The following UPRT variants were observed in gnomAD, a reference collection of about 807,000 sequenced individuals.
The protein encoded by UPRT is uracil phosphoribosyltransferase homolog, also known as RP11-311P8.3.
In UPRT, 5 loss-of-function variants were observed where a neutral mutation model predicts 22.6. The observed-to-expected ratio is 0.22, with a 90% CI of 0.12 to 0.47. UPRT has a LOEUF of 0.47. UPRT is among the 20% of genes least tolerant of loss of function. The pLI, the probability that UPRT is intolerant of heterozygous loss-of-function variation, is 0.99. For synonymous variants in UPRT, 77 were observed against 87.7 expected, an observed-to-expected ratio of 0.88 and a Z score of 0.68; for missense variants, 181 against 239.9, an observed-to-expected ratio of 0.75 and a Z score of 1.62.
chrX:75,180,326 C>T (rs529650509), intron 4 of UPRT, among the ~76,000 whole-genome samples: 1 of 112,102 alleles, frequency 8.9e-6, no homozygotes, highest in African/African-American at 3.2e-5. Context: ...TCTTCTACTA[C>T]CCCTGTGTTT....
At chrX:75,257,341 C>T (rs746304137) in intron 4 of UPRT, among the ~76,000 whole-genome samples, 217 of 111,516 alleles carry the variant, frequency 1.9e-3, no homozygotes, top group Middle Eastern at 9.1e-3. Context: ...GAAACTTTCA[C>T]GAAAACTGGC....
chrX:75,296,362 G>A lies in UPRT; in HGVS notation c.450G>A (p.Glu150=). Reference sequence around the variant, plus strand: ...TCTAGATCAGACTTGTTGTGGAAGAGGGATTGAATCAGCTGCCATATAAAG... The same window carrying A: ...TCTAGATCAGACTTGTTGTGGAAGAAGGATTGAATCAGCTGCCATATAAAG... The part of the protein sequence containing the change: ...ADRLIRLVVE[E]GLNQLPYKEC... The change falls in exon 3 of 7, where the codon GAG becomes GAA. Residue 150 remains glutamate, a synonymous_variant. Coordinates refer to ENST00000373383, the MANE Select transcript of UPRT (RefSeq NM_145052.4). 8.3e-7 allele frequency: 1 copy of A among 1,210,627 alleles called. No individual in the cohort carries two copies.
intron 6 of UPRT, among the ~76,000 whole-genome samples, chrX:75,301,343 G>C (rs761390132): frequency 3.2e-4 from 36 of 111,847 alleles, no homozygotes; most frequent in Non-Finnish European, 6.2e-4. Flanking sequence ...AGTAATCTTT[G>C]CAGTGTGAAG....
At chrX:75,272,312 G>T (rs1024495580), upstream of UPRT, among the ~76,000 whole-genome samples, 2 of 10,957 alleles carry the variant, frequency 1.8e-4, no homozygotes, top group Admixed American at 1.7e-3. Flanking sequence ...ATATATATGT[G>T]TATATATACA....
intron 4 of UPRT, among the ~76,000 whole-genome samples, chrX:75,234,202 A>T (rs1360524367): frequency 1.8e-5 from 2 of 111,658 alleles, no homozygotes; most frequent in African/African-American, 6.5e-5. Context: ...CCATTACTCA[A>T]TGGTAAAGGG....
chrX:75,186,052 A>C (rs376598319), intron 4 of UPRT, among the ~76,000 whole-genome samples: 3 of 110,043 alleles, frequency 2.7e-5, no homozygotes, highest in Admixed American at 9.7e-5. Context: ...GTTATTTCTT[A>C]CCTTCTGCTA....
intron 4 of UPRT, among the ~76,000 whole-genome samples, chrX:75,235,200 A>T (rs2082456944): frequency 8.9e-6 from 1 of 111,920 alleles, no homozygotes; most frequent in Non-Finnish European, 1.9e-5. Flanking sequence ...AAATGGATAA[A>T]TTCCTGGACA....
chrX:75,196,701 G>T (rs935873044), intron 4 of UPRT, among the ~76,000 whole-genome samples: 4 of 111,371 alleles, frequency 3.6e-5, no homozygotes, highest in Admixed American at 2.9e-4. Flanking sequence ...ACACAAATTA[G>T]CTGGGCACAG....
chrX:75,176,244 G>A (rs1399383217), intron 4 of UPRT, among the ~76,000 whole-genome samples: 9 of 110,991 alleles, frequency 8.1e-5, no homozygotes, highest in African/African-American at 2.3e-4. Flanking sequence ...TCCTAGTGGG[G>A]GTCCATACTG....
chrX:75,186,604 C>G (rs1197483150), intron 4 of UPRT, among the ~76,000 whole-genome samples: 1 of 111,423 alleles, frequency 9.0e-6, no homozygotes, highest in East Asian at 2.8e-4. Context: ...ATTGATCTGT[C>G]TAATGTTGAC....
rs989811731 is a variant in UPRT, at chrX:75,302,405, G to A, written c.824-1000G>A. Among the ~76,000 whole-genome samples, 17 of 111,086 alleles carry A rather than the reference G, an allele frequency of 1.5e-4. No homozygotes were observed. In the Middle Eastern group the frequency reaches 0.019, roughly 123 times the overall value. The stretch of plus-strand genomic sequence containing the variant: ...GGTGTACTATTCTTTGAAATTTATA[G>A]CTGAAAAATTTTATTCTGTGGCAAC... On this transcript the variant is annotated intron_variant, in intron 6 of 6. Coordinates refer to ENST00000373383, the MANE Select transcript of UPRT (RefSeq NM_145052.4).
chrX:75,248,821 T>C (rs773988716), intron 4 of UPRT, among the ~76,000 whole-genome samples: 103 of 111,881 alleles, frequency 9.2e-4, no homozygotes, highest in Non-Finnish European at 1.7e-3. Context: ...AAGGTCGGGT[T>C]ATCCACAAAG....
chrX:75,191,758 A>C (rs2082316025), intron 4 of UPRT, among the ~76,000 whole-genome samples: 1 of 112,324 alleles, frequency 8.9e-6, no homozygotes, highest in Non-Finnish European at 1.9e-5. Context: ...GGGACCCTCC[A>C]AGCCAGGCAC....
chrX:75,211,813 G>GAC (rs1452356266), intron 4 of UPRT, among the ~76,000 whole-genome samples: 1 of 111,559 alleles, frequency 9.0e-6, no homozygotes, highest in Admixed American at 9.5e-5. Flanking sequence ...GTTAAAGAAA[G>GAC]ACACACACAC....
At chrX:75,266,249 C>T (rs909989432) in intron 4 of UPRT, among the ~76,000 whole-genome samples, 4 of 110,827 alleles carry the variant, frequency 3.6e-5, no homozygotes, top group African/African-American at 1.3e-4. Context: ...GAGATATAGA[C>T]CAATGGAACA....
intron 1 of UPRT, 167 bp downstream of exon 1, chrX:75,274,807 T>TC: frequency 4.2e-6 from 2 of 475,624 alleles, no homozygotes; most frequent in Non-Finnish European, 3.2e-6. Context: ...TGTGTGTGTG[T>TC]GTGTGTGTGT....
At chrX:75,234,489 T>C (rs1315327796) in intron 4 of UPRT, among the ~76,000 whole-genome samples, 1 of 111,694 alleles carries the variant, frequency 9.0e-6, no homozygotes, top group Non-Finnish European at 1.9e-5. Flanking sequence ...ATACATTTTT[T>C]TCAGCACCAC....
intron 1 of UPRT, among the ~76,000 whole-genome samples, chrX:75,290,523 C>T (rs367665933): frequency 9.0e-6 from 1 of 111,714 alleles, no homozygotes; most frequent in Non-Finnish European, 1.9e-5. Flanking sequence ...GTATTTACAA[C>T]AGCAACGACA....
At chrX:75,276,067 A>G (rs2082630181) in intron 1 of UPRT, among the ~76,000 whole-genome samples, 1 of 111,295 alleles carries the variant, frequency 9.0e-6, no homozygotes, top group African/African-American at 3.3e-5. Flanking sequence ...ATTCTGAAAC[A>G]TATCTGTTTC....
Sources: gnomAD v4.1 joint callset for allele counts (sites outside exome capture counted in the v4.1 genomes callset) on GRCh38, gnomAD v4.1.1 for gene constraint, MANE v1.5 for transcripts, NCBI Gene and HGNC (gene_info 2026-07-23, HGNC 2026-07-21) for gene names.